The following CCDC63 variants were observed in gnomAD, a reference collection of about 807,000 sequenced individuals.
CCDC63 encodes the protein coiled-coil domain containing 63.
CCDC63 carries 54 observed loss-of-function variants against 63.6 expected under a neutral mutation model. The observed-to-expected ratio is 0.85, with a 90% CI of 0.68 to 1.07. The LOEUF is 1.07. Ranked by LOEUF, CCDC63 falls within the 50% of genes least tolerant of loss-of-function variation. The pLI is 0.00. For synonymous variants in CCDC63, 253 were observed against 266.1 expected (o/e 0.95, Z 0.48); for missense variants, 637 against 689.6 (o/e 0.92, Z 0.86).
intron 8 of CCDC63, among the ~76,000 whole-genome samples, chr12:110,885,363 C>A (rs114586603): frequency 0.011 from 1,605 of 152,262 alleles, 20 homozygotes; most frequent in African/African-American, 0.037. Context: ...GCCTGTCTAC[C>A]TTTGTTGAAC....
Position 110,873,971 on chromosome 12 carries a change from G to C in CCDC63, c.489+10G>C. On this transcript the variant is annotated intron_variant, in intron 5 of 11. Transcript: ENST00000308208. ...AACCCGTTTGAATCTCGTATGTAAA[G>C]TGTTCTCTGCAGCTCTGCAAACAGC... 1 of 1,608,286 alleles carries C rather than the reference G, an allele frequency of 6.2e-7. No homozygotes were observed. The highest frequency in any genetic ancestry group is 8.5e-7 in the Non-Finnish European group (1 of 1,177,502).
upstream of CCDC63, chr12:110,845,815 G>GT (rs1456655153): frequency 6.6e-6 from 1 of 150,540 alleles, no homozygotes; most frequent in Non-Finnish European, 1.5e-5. Context: ...GCTGGAGTGA[G>GT]TGTGATCTTG....
intron 3 of CCDC63, among the ~76,000 whole-genome samples, chr12:110,855,551 G>A (rs952736448): frequency 6.6e-6 from 1 of 152,076 alleles, no homozygotes; most frequent in African/African-American, 2.4e-5. Flanking sequence ...GGAGGAGGGT[G>A]GAAGAGTGGA....
At chr12:110,898,487 A>G (rs1421754098) in intron 9 of CCDC63, among the ~76,000 whole-genome samples, 3 of 150,786 alleles carry the variant, frequency 2.0e-5, no homozygotes, top group Non-Finnish European at 4.4e-5. Context: ...GCATGGTGGC[A>G]CCTGCTTGTA....
chr12:110,888,812 T>G (rs2071318635), intron 8 of CCDC63, among the ~76,000 whole-genome samples: 1 of 133,644 alleles, frequency 7.5e-6, no homozygotes, highest in African/African-American at 3.5e-5. Flanking sequence ...CTTCCTTCCT[T>G]CCTTCCTTCC....
At chr12:110,884,490 G>A (rs2071252408) in intron 8 of CCDC63, among the ~76,000 whole-genome samples, 1 of 151,860 alleles carries the variant, frequency 6.6e-6, no homozygotes, top group African/African-American at 2.4e-5. Flanking sequence ...AATGATCCTT[G>A]CATCTCAGCC....
At chr12:110,869,289 C>T (rs1048919132) in intron 4 of CCDC63, among the ~76,000 whole-genome samples, 1 of 152,152 alleles carries the variant, frequency 6.6e-6, no homozygotes, top group Non-Finnish European at 1.5e-5. Flanking sequence ...GCCACCATCT[C>T]GACACAAACA....
At chr12:110,902,180 T>A (rs2071497107) in intron 10 of CCDC63, among the ~76,000 whole-genome samples, 1 of 152,136 alleles carries the variant, frequency 6.6e-6, no homozygotes, top group Non-Finnish European at 1.5e-5. Flanking sequence ...CAGTTAATGG[T>A]GTTGGGAATC....
intron 7 of CCDC63, among the ~76,000 whole-genome samples, chr12:110,882,181 G>A (rs2071217385): frequency 6.6e-6 from 1 of 152,156 alleles, no homozygotes; most frequent in African/African-American, 2.4e-5. Flanking sequence ...GAGCACACAT[G>A]GTTCTTTCAG....
intron 4 of CCDC63, among the ~76,000 whole-genome samples, chr12:110,860,195 A>T (rs982593686): frequency 6.6e-6 from 1 of 152,228 alleles, no homozygotes; most frequent in African/African-American, 2.4e-5. Context: ...AGCCAGGGGC[A>T]ATGGCTCCCC....
chr12:110,897,112 A>T (rs1566138955), intron 9 of CCDC63, among the ~76,000 whole-genome samples: 2 of 152,146 alleles, frequency 1.3e-5, no homozygotes, highest in Non-Finnish European at 2.9e-5. Flanking sequence ...ACAGAACAGA[A>T]GAGAAAATAT....
chr12:110,893,017 G>T, intron 8 of CCDC63, 59 bp from the exon 9 acceptor site: 1 of 1,327,630 alleles, frequency 7.5e-7, no homozygotes, highest in South Asian at 1.2e-5. Context: ...ACTTATTTTT[G>T]GGAGCAGTGG....
chr12:110,868,375 G>T (rs1403431612), intron 4 of CCDC63, among the ~76,000 whole-genome samples: 3 of 148,106 alleles, frequency 2.0e-5, no homozygotes, highest in Non-Finnish European at 4.5e-5. Flanking sequence ...GGAGGCCAAG[G>T]CAGGCGGCTG....
At chr12:110,873,451 C>A (rs960789319) in intron 4 of CCDC63, among the ~76,000 whole-genome samples, 1 of 152,140 alleles carries the variant, frequency 6.6e-6, no homozygotes, top group African/African-American at 2.4e-5. Context: ...AATCACTTCT[C>A]CAAGTTTACA....
rs576228914 is a variant in CCDC63, at chr12:110,857,056, C to T, written c.180-1530C>T. Among the ~76,000 whole-genome samples the T allele has an allele frequency of 3.2e-3, 487 of 152,130 alleles. 1 individual carries two copies. The highest frequency in any genetic ancestry group is 0.011 in the African/African-American group (470 of 41,484). ...CTGAGTTCAAGCAATCCTTCTGCCT[C>T]GGCCTCCCAAAGTGCTGATGTTACA... On this transcript the variant is annotated intron_variant, in intron 3 of 11. Coordinates refer to ENST00000308208, the MANE Select transcript of CCDC63 (RefSeq NM_152591.3).
chr12:110,850,378 G>A (rs2070690885), intron 1 of CCDC63, among the ~76,000 whole-genome samples: 1 of 152,256 alleles, frequency 6.6e-6, no homozygotes, highest in Admixed American at 6.5e-5. Flanking sequence ...AATGCCACAT[G>A]GAGGGAAGCG....
At chr12:110,895,137 G>A (rs1329736707) in intron 9 of CCDC63, among the ~76,000 whole-genome samples, 1 of 151,066 alleles carries the variant, frequency 6.6e-6, no homozygotes, top group Admixed American at 6.6e-5. Context: ...ATTTTGAGAC[G>A]GAGTCTCGCT....
intron 9 of CCDC63, among the ~76,000 whole-genome samples, chr12:110,894,143 C>T (rs566063863): frequency 4.6e-5 from 7 of 152,188 alleles, no homozygotes; most frequent in South Asian, 4.2e-4. Flanking sequence ...ATGGTTGCAT[C>T]GTAGCTGCCA....
intron 10 of CCDC63, among the ~76,000 whole-genome samples, chr12:110,901,488 A>G (rs1382093034): frequency 6.6e-6 from 1 of 151,812 alleles, no homozygotes; most frequent in Non-Finnish European, 1.5e-5. Context: ...TTGGCCTCCC[A>G]AAGTGCTGGG....
Sources: allele counts gnomAD v4.1 joint callset (sites outside exome capture counted in the v4.1 genomes callset), GRCh38; gene constraint gnomAD v4.1.1; transcripts MANE v1.5; gene names NCBI Gene and HGNC (gene_info 2026-07-23, HGNC 2026-07-21).